TMEM236: variants seen among roughly 807,000 people sequenced by gnomAD.
TMEM236 encodes transmembrane protein 236, also known as family with sequence similarity 23, member A.
TMEM236 carries 11 observed loss-of-function variants against 14.7 expected under a neutral mutation model. The observed-to-expected ratio is 0.75, with a 90% confidence interval of 0.47 to 1.24. TMEM236 has a LOEUF of 1.24. Ranked by LOEUF, TMEM236 falls within the 50% of genes most tolerant of loss-of-function variation. The pLI, the probability that TMEM236 is intolerant of heterozygous loss-of-function variation, is 0.00. For synonymous variants in TMEM236, 182 were observed against 168.6 expected (o/e 1.08, Z -0.62); for missense variants, 464 against 427.3 (o/e 1.09, Z -0.76).
rs1410840591 is a variant in TMEM236 at position 17,799,864 on chromosome 10, C to A, written c.*3360C>A. On this transcript the variant is annotated 3_prime_UTR_variant, in exon 4 of 4. Transcript: ENST00000377495. ...CACAACACTATACAAATAATGAAGGCATGTACAGAAGATTATGTGTAGGAG... is the reference window on the plus strand; with the variant it reads ...CACAACACTATACAAATAATGAAGGAATGTACAGAAGATTATGTGTAGGAG... The A allele has an allele frequency of 6.6e-6, 1 of 152,286 alleles. No homozygotes were observed. Among genetic ancestry groups the A allele is most frequent in the Non-Finnish European group, 1.5e-5 (1 of 68,000 alleles). The allele number at this position is 152,286 out of a possible 1,614,324, so 9.4% of individuals were successfully genotyped here. A position where few individuals can be genotyped will look rare whatever the true frequency, so the allele number is the denominator to read the frequency against.
rs1220499764 is a variant in TMEM236 at position 17,797,777 on chromosome 10, T to A, written c.*1273T>A. On this transcript the variant is annotated 3_prime_UTR_variant, in exon 4 of 4. Transcript: ENST00000377495. Reference sequence around the variant, plus strand: ...CTTAGCTGTATTGCCAGTACTGAAGTACTAATATGAGTGTTGTTTAGTATA... The same window carrying A: ...CTTAGCTGTATTGCCAGTACTGAAGAACTAATATGAGTGTTGTTTAGTATA... 6.6e-6 allele frequency: 1 copy of A among 152,206 alleles called. No individual in the cohort carries two copies. Among genetic ancestry groups the A allele is most frequent in the Admixed American group, 6.5e-5 (1 of 15,278 alleles). 9.4% of individuals were successfully genotyped at this position (152,206 alleles called of 1,614,324 possible).
At chr10:17,765,635 G>C (rs1258657908) in intron 1 of TMEM236, among the ~76,000 whole-genome samples, 1 of 152,154 alleles carries the variant, frequency 6.6e-6, no homozygotes, top group Non-Finnish European at 1.5e-5. Flanking sequence ...CAGGAGTCGT[G>C]GGTCCCATGC....
chr10:17,770,393 A>G (rs1258751330), intron 1 of TMEM236, among the ~76,000 whole-genome samples: 1 of 151,862 alleles, frequency 6.6e-6, no homozygotes, highest in Non-Finnish European at 1.5e-5. Context: ...TAATTAATTT[A>G]TTTATTTTGA....
chr10:17,770,064 C>A (rs1032337380), intron 1 of TMEM236, among the ~76,000 whole-genome samples: 56 of 152,238 alleles, frequency 3.7e-4, no homozygotes, highest in African/African-American at 1.3e-3. Context: ...TTAGCTCCCA[C>A]TTATAAGTGA....
intron 1 of TMEM236, among the ~76,000 whole-genome samples, chr10:17,759,701 T>C (rs1589138722): frequency 6.6e-6 from 1 of 152,000 alleles, no homozygotes; most frequent in Non-Finnish European, 1.5e-5. Context: ...GTCTCCCCTT[T>C]AGAAATGAGG....
rs559904444 is a variant in TMEM236 at position 17,766,273 on chromosome 10, A to G, written c.258-5036A>G. Among the ~76,000 whole-genome samples, 10 of 152,312 alleles carry G rather than the reference A, an allele frequency of 6.6e-5. No individual in the cohort carries two copies. In the East Asian group the frequency reaches 1.9e-3, roughly 29 times the overall value. ...GGTTAAATATCTCAGTTCATTACTT[A>G]CAAGTTCTACTTTCTATCCAACAGA... On this transcript the variant is annotated intron_variant, in intron 1 of 3. Transcript: ENST00000377495.
intron 3 of TMEM236, among the ~76,000 whole-genome samples, chr10:17,780,079 T>C (rs1168026226): frequency 1.3e-5 from 2 of 152,190 alleles, no homozygotes; most frequent in African/African-American, 4.8e-5. Context: ...AGAGTGTATA[T>C]GTACCAACAA....
At chr10:17,785,338 C>G (rs1837816728) in intron 3 of TMEM236, among the ~76,000 whole-genome samples, 1 of 152,112 alleles carries the variant, frequency 6.6e-6, no homozygotes, top group South Asian at 2.1e-4. Flanking sequence ...TTTTTTAAAG[C>G]TCCGCCATAG....
intron 1 of TMEM236, among the ~76,000 whole-genome samples, chr10:17,752,943 GTTTGT>G (rs1480692180): frequency 2.6e-5 from 4 of 151,924 alleles, no homozygotes; most frequent in Non-Finnish European, 5.9e-5. Flanking sequence ...TTTGTTTGTT[GTTTGT>G]TTTAACTTTA....
At chr10:17,755,915 T>G (rs2131738859) in intron 1 of TMEM236, among the ~76,000 whole-genome samples, 1 of 152,336 alleles carries the variant, frequency 6.6e-6, no homozygotes, top group African/African-American at 2.4e-5. Context: ...TATAATTGAT[T>G]CTTTATAGAT....
chr10:17,799,717 ATATT>A lies in TMEM236; in HGVS notation c.*3217_*3220del, dbSNP rs1375789410. On this transcript the variant is annotated 3_prime_UTR_variant, in exon 4 of 4. Coordinates refer to ENST00000377495, the MANE Select transcript of TMEM236 (RefSeq NM_001098844.3). ...ATATGAAAATATTTTGTGTAAGTATATATTTATCTCCATATTAGAACTTAGCAAC... is the reference window on the plus strand; with the variant it reads ...ATATGAAAATATTTTGTGTAAGTATATATCTCCATATTAGAACTTAGCAAC... 6.6e-6 allele frequency: 1 copy of A among 152,644 alleles called. No individual in the cohort carries two copies. The highest frequency in any genetic ancestry group is 1.5e-5 in the Non-Finnish European group (1 of 68,040). 9.5% of individuals were successfully genotyped at this position (152,644 alleles called of 1,614,324 possible).
chr10:17,778,107 T>TAAATTCTA (rs1837688735), intron 3 of TMEM236, among the ~76,000 whole-genome samples: 1 of 152,138 alleles, frequency 6.6e-6, no homozygotes, highest in African/African-American at 2.4e-5. Flanking sequence ...AGAATTGAAA[T>TAAATTCTA]AAGACATCTA....
chr10:17,770,051 C>G (rs78945174), intron 1 of TMEM236, among the ~76,000 whole-genome samples: 6,498 of 152,130 alleles, frequency 0.043, 271 homozygotes, highest in East Asian at 0.21. Context: ...GAGTACCCAA[C>G]GTTTAGCTCC....
intron 2 of TMEM236, among the ~76,000 whole-genome samples, chr10:17,774,402 C>T (rs1429379296): frequency 1.3e-5 from 2 of 152,170 alleles, no homozygotes; most frequent in East Asian, 1.9e-4. Context: ...ATTCACAATA[C>T]ATCTGGAACT....
At chr10:17,762,383 C>G (rs1360752882) in intron 1 of TMEM236, among the ~76,000 whole-genome samples, 1 of 151,664 alleles carries the variant, frequency 6.6e-6, no homozygotes, top group Non-Finnish European at 1.5e-5. Flanking sequence ...CTGATGTCCT[C>G]TTGATGTGGC....
chr10:17,782,240 A>G (rs1284456222), intron 3 of TMEM236, among the ~76,000 whole-genome samples: 3 of 152,108 alleles, frequency 2.0e-5, no homozygotes, highest in African/African-American at 7.2e-5. Flanking sequence ...CCAATGTTGC[A>G]TTTTTCCAAA....
Position 17,771,160 on chromosome 10 carries a change from G to A in TMEM236, c.258-149G>A. On this transcript the variant is annotated intron_variant, in intron 1 of 3. Coordinates refer to ENST00000377495, the MANE Select transcript of TMEM236 (RefSeq NM_001098844.3). The stretch of plus-strand genomic sequence containing the variant: ...CTGCGCGTGTTCCTCTTTGCCATAT[G>A]CAAACATTTGGGAAATGGAAATAGG... 4.1e-6 allele frequency: 3 copies of A among 733,972 alleles called. No homozygotes were observed. The South Asian group carries it at 4.9e-5, about 12-fold the overall frequency. The allele number at this position is 733,972 out of a possible 1,614,324, so 45.5% of individuals were successfully genotyped here.
chr10:17,763,501 A>G (rs1837409799), intron 1 of TMEM236, among the ~76,000 whole-genome samples: 1 of 152,172 alleles, frequency 6.6e-6, no homozygotes. Context: ...CTTCCTACCC[A>G]TCCCTTTCTA....
chr10:17,791,731 C>T (rs966662835), intron 3 of TMEM236, among the ~76,000 whole-genome samples: 3 of 152,220 alleles, frequency 2.0e-5, no homozygotes, highest in East Asian at 3.8e-4. Context: ...CTCATTCTTA[C>T]TATCTCTGCT....
Sources: allele counts gnomAD v4.1 joint callset (sites outside exome capture counted in the v4.1 genomes callset), GRCh38; gene constraint gnomAD v4.1.1; transcripts MANE v1.5; gene names NCBI Gene and HGNC (gene_info 2026-07-23, HGNC 2026-07-21).